The following EPHB1 variants were observed in gnomAD, a reference collection of about 807,000 sequenced individuals.
EPHB1 encodes the protein ephrin type-B receptor 1.
Under a neutral mutation model 94.4 loss-of-function variants are expected in EPHB1, and 30 were observed. The ratio of observed to expected loss-of-function variants is 0.32; its 90% CI spans 0.24 to 0.43. The LOEUF is 0.43. Among genes scored for constraint, EPHB1 ranks in the 20% least tolerant of loss-of-function variants. EPHB1 has a pLI of 1.00. For synonymous variants in EPHB1, 522 were observed against 489.1 expected, an observed-to-expected ratio of 1.07 and a Z score of -0.89; for missense variants, 1,055 against 1,308.3, an observed-to-expected ratio of 0.81 and a Z score of 2.99.
intron 4 of EPHB1, among the ~76,000 whole-genome samples, chr3:135,125,307 G>A (rs763013620): frequency 3.3e-5 from 5 of 151,628 alleles, no homozygotes; most frequent in Admixed American, 6.6e-5. Context: ...TATGATGCCT[G>A]ACATAGAATC....
At chr3:134,895,359 A>G (rs1345804885) in intron 1 of EPHB1, among the ~76,000 whole-genome samples, 2 of 152,330 alleles carry the variant, frequency 1.3e-5, no homozygotes, top group East Asian at 3.9e-4. Context: ...CAGGATCCAG[A>G]TGGACACAGG....
At chr3:135,228,677 A>G (rs1247199577) in intron 12 of EPHB1, among the ~76,000 whole-genome samples, 1 of 152,222 alleles carries the variant, frequency 6.6e-6, no homozygotes, top group African/African-American at 2.4e-5. Context: ...TCAAAGATGT[A>G]GTAAACTGAC....
At chr3:135,094,341 G>C (rs1408891025) in intron 3 of EPHB1, among the ~76,000 whole-genome samples, 1 of 152,214 alleles carries the variant, frequency 6.6e-6, no homozygotes, top group East Asian at 1.9e-4. Context: ...TTACTTCCCT[G>C]TTAGCTGCAT....
At chr3:135,189,257 C>A (rs1238322938) in intron 10 of EPHB1, among the ~76,000 whole-genome samples, 1 of 152,188 alleles carries the variant, frequency 6.6e-6, no homozygotes, top group Admixed American at 6.5e-5. Flanking sequence ...GTGTGCTTTG[C>A]TTTCAAAAGT....
At chr3:135,066,066 T>G (rs1262822441) in intron 3 of EPHB1, among the ~76,000 whole-genome samples, 1 of 152,264 alleles carries the variant, frequency 6.6e-6, no homozygotes, top group African/African-American at 2.4e-5. Flanking sequence ...CTGAGAAATC[T>G]GCTGTTAATC....
intron 3 of EPHB1, among the ~76,000 whole-genome samples, chr3:135,100,117 A>G (rs902996796): frequency 5.3e-5 from 8 of 152,196 alleles, no homozygotes; most frequent in South Asian, 2.1e-4. Context: ...AAAAAGAAAG[A>G]GCAAGGACAG....
intron 3 of EPHB1, among the ~76,000 whole-genome samples, chr3:135,035,570 C>T (rs1936618211): frequency 1.3e-5 from 2 of 152,142 alleles, no homozygotes; most frequent in African/African-American, 4.8e-5. Context: ...AGGCTGAAAT[C>T]TAGCGTGTTC....
intron 12 of EPHB1, among the ~76,000 whole-genome samples, chr3:135,209,953 C>T (rs7637322): frequency 0.075 from 11,361 of 152,108 alleles, 492 homozygotes; most frequent in South Asian, 0.15. Context: ...ACAGCAGATG[C>T]CACTTACAGG....
intron 2 of EPHB1, among the ~76,000 whole-genome samples, chr3:134,934,256 T>A (rs1231722739): frequency 6.6e-6 from 1 of 152,216 alleles, no homozygotes; most frequent in Non-Finnish European, 1.5e-5. Context: ...AAACATTTTT[T>A]ATATAATACG....
chr3:135,051,580 C>T (rs1041159988), intron 3 of EPHB1, among the ~76,000 whole-genome samples: 1 of 152,202 alleles, frequency 6.6e-6, no homozygotes, highest in Non-Finnish European at 1.5e-5. Context: ...TATTTCTCCC[C>T]ACCTGGAGGC....
intron 3 of EPHB1, among the ~76,000 whole-genome samples, chr3:134,964,306 G>A (rs1451937351): frequency 6.6e-6 from 1 of 152,164 alleles, no homozygotes; most frequent in African/African-American, 2.4e-5. Flanking sequence ...GATGGCAGAG[G>A]CCTTGTCTGT....
intron 3 of EPHB1, among the ~76,000 whole-genome samples, chr3:135,051,661 C>T (rs1047620375): frequency 2.6e-5 from 4 of 152,168 alleles, no homozygotes; most frequent in African/African-American, 4.8e-5. Context: ...GCTTTGACTG[C>T]GTGGGTTTTG....
At chr3:135,092,550 G>A (rs942676844) in intron 3 of EPHB1, among the ~76,000 whole-genome samples, 1 of 152,036 alleles carries the variant, frequency 6.6e-6, no homozygotes. Context: ...GCTTAGCTGT[G>A]ACATCACATC....
intron 3 of EPHB1, among the ~76,000 whole-genome samples, chr3:135,049,966 G>A (rs987523749): frequency 2.6e-5 from 4 of 152,108 alleles, no homozygotes; most frequent in African/African-American, 9.7e-5. Flanking sequence ...TGGTACCCCG[G>A]GACCCTGAGG....
chr3:134,834,503 A>G (rs1259497443), intron 1 of EPHB1, among the ~76,000 whole-genome samples: 2 of 152,184 alleles, frequency 1.3e-5, no homozygotes, highest in Non-Finnish European at 2.9e-5. Context: ...TGTCATCCCC[A>G]GGGGCCACCC....
intron 3 of EPHB1, among the ~76,000 whole-genome samples, chr3:134,994,544 T>C (rs571741014): frequency 6.6e-6 from 1 of 152,346 alleles, no homozygotes; most frequent in East Asian, 1.9e-4. Context: ...CCATTGTGCC[T>C]GCCCCACCCT....
At chr3:135,074,965 C>T (rs140863713) in intron 3 of EPHB1, among the ~76,000 whole-genome samples, 6 of 152,236 alleles carry the variant, frequency 3.9e-5, no homozygotes, top group South Asian at 4.2e-4. Flanking sequence ...AAGGACCCCT[C>T]GCTGTAATAC....
chr3:134,799,650 C>A (rs2035897764), intron 1 of EPHB1, among the ~76,000 whole-genome samples: 1 of 152,182 alleles, frequency 6.6e-6, no homozygotes, highest in South Asian at 2.1e-4. Context: ...GCTTGTGATG[C>A]TCCCGAGCCT....
chr3:134,896,969 G>A (rs754915060), intron 1 of EPHB1, among the ~76,000 whole-genome samples: 3 of 152,236 alleles, frequency 2.0e-5, no homozygotes, highest in Non-Finnish European at 4.4e-5. Flanking sequence ...ATATCTGCCT[G>A]TCACCAGGGG....
Sources: gnomAD v4.1 joint callset for allele counts (sites outside exome capture counted in the v4.1 genomes callset) on GRCh38, gnomAD v4.1.1 for gene constraint, MANE v1.5 for transcripts, NCBI Gene and HGNC (gene_info 2026-07-23, HGNC 2026-07-21) for gene names.